The following VEPH1 variants were observed in gnomAD, a reference collection of about 807,000 sequenced individuals.
VEPH1 encodes the protein ventricular zone expressed PH domain containing 1, also known as ventricular zone-expressed PH domain-containing protein homolog 1.
A neutral mutation model predicts 85.2 loss-of-function variants in VEPH1; 80 were observed. The ratio of observed to expected loss-of-function variants is 0.94; its 90% CI spans 0.78 to 1.13. The LOEUF is 1.13. Among genes scored for constraint, VEPH1 ranks in the 50% most tolerant of loss-of-function variants. The probability of loss-of-function intolerance (pLI) is 0.00; values close to 1 mark genes in which losing one functional copy is unlikely to be tolerated. For missense variants in VEPH1, 955 were observed against 980.5 expected (o/e 0.97, Z 0.35); for synonymous variants, 297 against 348.0 (o/e 0.85, Z 1.63).
rs538916032 is a variant in VEPH1 at position 157,299,161 on chromosome 3, T to A, written c.2011-12487A>T. On this transcript the variant is annotated intron_variant, in intron 11 of 13. Coordinates refer to ENST00000362010, the MANE Select transcript of VEPH1 (RefSeq NM_001167912.2). Reference sequence around the variant, plus strand: ...GCTCATTACTTTAGTGAAACTTAGCTTCTAACATGGAAATTTATTATTCAG... The same window carrying A: ...GCTCATTACTTTAGTGAAACTTAGCATCTAACATGGAAATTTATTATTCAG... Among the ~76,000 whole-genome samples, 21 of 152,324 alleles carry A rather than the reference T, an allele frequency of 1.4e-4. 1 individual carries two copies. In the South Asian group the frequency reaches 4.1e-3, roughly 30 times the overall value.
In VEPH1 at chr3:157,346,804, A is replaced by G. The variant is rs114119690; in HGVS notation, c.1735+16560T>C. Among the ~76,000 whole-genome samples the G allele has an allele frequency of 6.9e-3, 1,050 of 152,140 alleles. 19 individuals are homozygous for G. The highest frequency in any genetic ancestry group is 0.024 in the African/African-American group (993 of 41,518). On this transcript the variant is annotated intron_variant, in intron 9 of 13. Transcript: ENST00000362010. The stretch of plus-strand genomic sequence containing the variant: ...TTAAAAATTTATTTTTGGTAGAGAC[A>G]GGGTCTCTTCTGTGTTGCCCAAGCT...
chr3:157,276,894 ATTTT>A (rs36002636), intron 12 of VEPH1, among the ~76,000 whole-genome samples: 1 of 141,670 alleles, frequency 7.1e-6, no homozygotes, highest in Admixed American at 7.0e-5. Flanking sequence ...GAAGAAGATA[ATTTT>A]TTTTTTTTTT....
At chr3:157,355,271 T>G (rs889825398) in intron 9 of VEPH1, among the ~76,000 whole-genome samples, 33 of 152,210 alleles carry the variant, frequency 2.2e-4, no homozygotes, top group African/African-American at 7.0e-4. Flanking sequence ...TGCACACAGT[T>G]GTATCCCCTG....
intron 2 of VEPH1, among the ~76,000 whole-genome samples, chr3:157,486,485 CAAAA>C (rs576141960): frequency 1.7e-5 from 2 of 118,344 alleles, no homozygotes; most frequent in African/African-American, 3.0e-5. Context: ...GACTCTGACT[CAAAA>C]AAAAAAAAAA....
At chr3:157,437,931 G>C in intron 4 of VEPH1, 1 of 1,528,778 alleles carries the variant, frequency 6.5e-7, no homozygotes, top group South Asian at 1.2e-5. Flanking sequence ...AGGCAAGCGG[G>C]GCCGGGACCT....
intron 3 of VEPH1, among the ~76,000 whole-genome samples, chr3:157,465,957 GT>G (rs1330989116): frequency 6.6e-6 from 1 of 152,218 alleles, no homozygotes; most frequent in Admixed American, 6.5e-5. Context: ...GCTCTGCTAA[GT>G]GATTTGGCTT....
At chr3:157,349,396 G>C (rs1724594499) in intron 9 of VEPH1, among the ~76,000 whole-genome samples, 3 of 152,116 alleles carry the variant, frequency 2.0e-5, no homozygotes. Flanking sequence ...AATAATAAAA[G>C]CCATATATGA....
At chr3:157,302,416 T>C (rs991037723) in intron 11 of VEPH1, among the ~76,000 whole-genome samples, 1 of 152,126 alleles carries the variant, frequency 6.6e-6, no homozygotes, top group East Asian at 1.9e-4. Context: ...GGTGATACCA[T>C]TGGGAGGGGA....
intron 6 of VEPH1, among the ~76,000 whole-genome samples, chr3:157,382,335 A>T (rs1300769244): frequency 6.6e-6 from 1 of 152,224 alleles, no homozygotes; most frequent in Non-Finnish European, 1.5e-5. Context: ...CTTAGCTGAC[A>T]CATCTCTTAT....
intron 12 of VEPH1, among the ~76,000 whole-genome samples, chr3:157,270,141 TC>T (rs1714349893): frequency 6.6e-6 from 1 of 152,014 alleles, no homozygotes; most frequent in Non-Finnish European, 1.5e-5. Context: ...GCACCTGTAG[TC>T]CCAGGTACTC....
At chr3:157,328,080 C>G (rs1324942597) in intron 9 of VEPH1, among the ~76,000 whole-genome samples, 1 of 152,182 alleles carries the variant, frequency 6.6e-6, no homozygotes, top group Non-Finnish European at 1.5e-5. Context: ...CTAATAAGAG[C>G]TCCTATTTCT....
At position 157,413,913 on chromosome 3, in the gene VEPH1, T is replaced by A; in HGVS notation, c.874A>T (p.Arg292Trp). ...ACATGCCCAACAGCTCCATAAATCC[T>A]TGCCATCTGTCCAGTGAGGTAGGGG... ...RFPYLTGQMA[R>W]IYGAVGHVDE... Residue 292 changes from arginine (R) to tryptophan (W), a missense_variant, in exon 6 of 14, where the codon AGG becomes TGG. Arg to Trp is a moderately radical substitution (Grantham distance 101). Transcript: ENST00000362010. The A allele has an allele frequency of 6.2e-7, 1 of 1,613,616 alleles. No individual in the cohort carries two copies. Among genetic ancestry groups the A allele is most frequent in the Non-Finnish European group, 8.5e-7 (1 of 1,179,664 alleles).
intron 9 of VEPH1, among the ~76,000 whole-genome samples, chr3:157,348,345 G>T (rs976637832): frequency 6.6e-6 from 1 of 152,118 alleles, no homozygotes. Context: ...CTCTTTAGTG[G>T]TTATACTAGT....
At chr3:157,290,369 A>G (rs1717336256) in intron 11 of VEPH1, among the ~76,000 whole-genome samples, 1 of 152,212 alleles carries the variant, frequency 6.6e-6, no homozygotes, top group Non-Finnish European at 1.5e-5. Context: ...TGAATGGAGG[A>G]CCCAGCTAAG....
intron 5 of VEPH1, among the ~76,000 whole-genome samples, chr3:157,416,241 A>G (rs1731900920): frequency 6.6e-6 from 1 of 152,224 alleles, no homozygotes; most frequent in Non-Finnish European, 1.5e-5. Flanking sequence ...ATGTTTAAAC[A>G]TATACTGTCA....
At chr3:157,456,623 T>G (rs959243236) in intron 4 of VEPH1, among the ~76,000 whole-genome samples, 3 of 152,194 alleles carry the variant, frequency 2.0e-5, no homozygotes, top group African/African-American at 7.2e-5. Context: ...TTTTATTGAA[T>G]AGGTAGTCTT....
chr3:157,377,775 A>C (rs949459123), intron 7 of VEPH1, among the ~76,000 whole-genome samples: 3 of 152,160 alleles, frequency 2.0e-5, no homozygotes, highest in Non-Finnish European at 4.4e-5. Flanking sequence ...CTGTGAGTTA[A>C]TTAAACCTCT....
At chr3:157,351,375 G>A (rs904264687) in intron 9 of VEPH1, among the ~76,000 whole-genome samples, 7 of 151,798 alleles carry the variant, frequency 4.6e-5, no homozygotes, top group African/African-American at 1.7e-4. Flanking sequence ...GAACATTCAC[G>A]AACATCACTT....
At chr3:157,292,069 A>G (rs1717542180) in intron 11 of VEPH1, among the ~76,000 whole-genome samples, 1 of 152,202 alleles carries the variant, frequency 6.6e-6, no homozygotes, top group East Asian at 1.9e-4. Flanking sequence ...TCAATATAGT[A>G]TGTTGACTAC....
Sources: gnomAD v4.1 joint callset for allele counts (sites outside exome capture counted in the v4.1 genomes callset) on GRCh38, gnomAD v4.1.1 for gene constraint, MANE v1.5 for transcripts, NCBI Gene and HGNC (gene_info 2026-07-23, HGNC 2026-07-21) for gene names.